CEP128: variants seen among roughly 807,000 people sequenced by gnomAD.
CEP128 encodes the protein centrosomal protein 128kDa.
A neutral mutation model predicts 156.7 loss-of-function variants in CEP128; 132 were observed. The observed-to-expected ratio is 0.84, with a 90% CI of 0.73 to 0.97. The LOEUF is 0.97. Ranked by LOEUF, CEP128 falls within the 50% of genes least tolerant of loss-of-function variation. The pLI is 0.00. For synonymous variants in CEP128, 469 were observed against 448.9 expected, an observed-to-expected ratio of 1.04 and a Z score of -0.57; for missense variants, 1,252 against 1,281.9, an observed-to-expected ratio of 0.98 and a Z score of 0.36.
chr14:80,738,897 G>A lies in CEP128; in HGVS notation c.2806+4178C>T, dbSNP rs146391405. Among the ~76,000 whole-genome samples, 252 of 152,280 alleles carry A rather than the reference G, an allele frequency of 1.7e-3. 2 individuals carry two copies. The highest frequency in any genetic ancestry group is 5.5e-3 in the African/African-American group (230 of 41,570). On this transcript the variant is annotated intron_variant, in intron 19 of 24. Coordinates refer to ENST00000555265, the MANE Select transcript of CEP128 (RefSeq NM_152446.5). ...ATGCTCACAGCCATGTATATGGCCA[G>A]AATAATCAGTGAATAGTGTGCCAGA...
chr14:80,610,286 G>A (rs975593266), intron 19 of CEP128, among the ~76,000 whole-genome samples: 13 of 151,862 alleles, frequency 8.6e-5, no homozygotes, highest in African/African-American at 2.9e-4. Context: ...ATATATCTAG[G>A]AATGCTACTG....
chr14:80,896,294 C>A (rs1457782853), intron 7 of CEP128, among the ~76,000 whole-genome samples: 1 of 152,154 alleles, frequency 6.6e-6, no homozygotes, highest in Admixed American at 6.5e-5. Context: ...AAATTAATAA[C>A]ATACATGATA....
At chr14:80,640,125 G>T (rs1894348129) in intron 19 of CEP128, among the ~76,000 whole-genome samples, 1 of 152,066 alleles carries the variant, frequency 6.6e-6, no homozygotes, top group Non-Finnish European at 1.5e-5. Context: ...ATCTCTCTGT[G>T]ATTAGTTAGT....
downstream of CEP128, among the ~76,000 whole-genome samples, chr14:80,489,267 T>TAAAA (rs35135843): frequency 1.9e-5 from 2 of 108,034 alleles, no homozygotes; most frequent in Non-Finnish European, 3.8e-5. Flanking sequence ...TTGTAAAAGC[T>TAAAA]AAAAAAAAAA....
intron 19 of CEP128, among the ~76,000 whole-genome samples, chr14:80,681,550 G>A (rs1233296795): frequency 6.6e-6 from 1 of 152,186 alleles, no homozygotes; most frequent in Non-Finnish European, 1.5e-5. Context: ...CAGGTGGGAG[G>A]TAATTGAATC....
intron 19 of CEP128, among the ~76,000 whole-genome samples, chr14:80,741,416 A>G (rs1898825738): frequency 6.6e-6 from 1 of 152,128 alleles, no homozygotes; most frequent in Admixed American, 6.6e-5. Flanking sequence ...AATAATTACT[A>G]AACTTCTAAG....
downstream of CEP128, among the ~76,000 whole-genome samples, chr14:80,488,505 G>C (rs1004121440): frequency 3.3e-5 from 5 of 151,038 alleles, no homozygotes; most frequent in Non-Finnish European, 5.9e-5. Flanking sequence ...AGAGGATGTG[G>C]AGAAATAGGA....
intron 19 of CEP128, among the ~76,000 whole-genome samples, chr14:80,624,235 T>C (rs1189287641): frequency 6.6e-6 from 1 of 152,224 alleles, no homozygotes; most frequent in Non-Finnish European, 1.5e-5. Context: ...CTCATCCATG[T>C]TGCCAGGACT....
intron 19 of CEP128, among the ~76,000 whole-genome samples, chr14:80,632,333 C>G (rs1893995681): frequency 6.7e-6 from 1 of 150,128 alleles, no homozygotes; most frequent in Admixed American, 6.7e-5. Flanking sequence ...ACTATTGAGA[C>G]TTTACCATGT....
chr14:80,928,925 C>T (rs1177159715), intron 2 of CEP128, among the ~76,000 whole-genome samples: 1 of 151,920 alleles, frequency 6.6e-6, no homozygotes, highest in African/African-American at 2.4e-5. Flanking sequence ...AAGAAATAAT[C>T]ATCAGAGCAA....
At chr14:80,692,901 T>C (rs887457957) in intron 19 of CEP128, among the ~76,000 whole-genome samples, 2 of 152,188 alleles carry the variant, frequency 1.3e-5, no homozygotes, top group Admixed American at 1.3e-4. Flanking sequence ...CTTTCTCCAG[T>C]TAGGGAACAT....
intron 2 of CEP128, among the ~76,000 whole-genome samples, chr14:80,948,916 G>A (rs1446694310): frequency 2.6e-5 from 4 of 152,290 alleles, no homozygotes; most frequent in Middle Eastern, 3.4e-3. Flanking sequence ...CCTAAGGCAT[G>A]TTCCAATTTG....
chr14:80,864,838 T>C (rs1887691535), intron 8 of CEP128, among the ~76,000 whole-genome samples: 1 of 152,222 alleles, frequency 6.6e-6, no homozygotes, highest in Non-Finnish European at 1.5e-5. Flanking sequence ...ATTACAGGCG[T>C]GAGCCACCAT....
intron 23 of CEP128, among the ~76,000 whole-genome samples, chr14:80,525,640 C>T (rs553946017): frequency 6.6e-6 from 1 of 152,070 alleles, no homozygotes; most frequent in Admixed American, 6.6e-5. Context: ...AATTGCCATA[C>T]GAGACAAGGT....
intron 23 of CEP128, among the ~76,000 whole-genome samples, chr14:80,525,998 T>TC (rs1888957821): frequency 6.6e-6 from 1 of 151,598 alleles, no homozygotes; most frequent in Admixed American, 6.6e-5. Flanking sequence ...ACCTTTAGCT[T>TC]TTTTTTAATT....
At chr14:80,917,452 T>C (rs752292925) in intron 2 of CEP128, among the ~76,000 whole-genome samples, 2 of 152,228 alleles carry the variant, frequency 1.3e-5, no homozygotes, top group Non-Finnish European at 2.9e-5. Context: ...TTAAGATTAA[T>C]TGCTAGAATC....
chr14:80,717,679 A>G (rs1235202655), intron 19 of CEP128, among the ~76,000 whole-genome samples: 2 of 152,200 alleles, frequency 1.3e-5, no homozygotes, highest in Non-Finnish European at 2.9e-5. Context: ...ATAAAATGCA[A>G]AGACTGTGCT....
At chr14:80,593,234 T>C (rs1036397921) in intron 19 of CEP128, among the ~76,000 whole-genome samples, 53 of 152,140 alleles carry the variant, frequency 3.5e-4, no homozygotes, top group Admixed American at 5.9e-4. Flanking sequence ...GCAGATGACA[T>C]GATTGTTTAT....
intron 13 of CEP128, among the ~76,000 whole-genome samples, chr14:80,821,600 TACACACACACACACACACAC>T (rs71103885): frequency 1.9e-4 from 27 of 145,276 alleles, no homozygotes; most frequent in East Asian, 8.0e-4. Flanking sequence ...CATACACACA[TACACACACACACACACACAC>T]ACACACACAC....
Sources: allele counts gnomAD v4.1 joint callset (sites outside exome capture counted in the v4.1 genomes callset), GRCh38; gene constraint gnomAD v4.1.1; transcripts MANE v1.5; gene names NCBI Gene and HGNC (gene_info 2026-07-23, HGNC 2026-07-21).